CNTNAP3: variants seen among roughly 807,000 people sequenced by gnomAD.
CNTNAP3 encodes the protein contactin-associated protein-like 3.
Under a neutral mutation model 92.1 loss-of-function variants are expected in CNTNAP3, and 36 were observed. The observed-to-expected ratio is 0.39, with a 90% CI of 0.30 to 0.52. CNTNAP3 has a LOEUF of 0.52. Ranked by LOEUF, CNTNAP3 falls within the 20% of genes least tolerant of loss-of-function variation. CNTNAP3 has a pLI of 0.76. For synonymous variants in CNTNAP3, 232 were observed against 422.3 expected (o/e 0.55, Z 5.53); for missense variants, 534 against 1,069.6 (o/e 0.50, Z 6.98).
intron 13 of CNTNAP3, among the ~76,000 whole-genome samples, chr9:39,129,805 T>A (rs1189851329): frequency 3.3e-5 from 5 of 151,712 alleles, no homozygotes. Context: ...ATCCAAACAA[T>A]CCAATTAGAA....
intron 21 of CNTNAP3, among the ~76,000 whole-genome samples, chr9:39,079,271 G>A (rs1476371494): frequency 6.6e-6 from 1 of 150,776 alleles, no homozygotes; most frequent in Admixed American, 6.6e-5. Flanking sequence ...TTTTAATGGC[G>A]CTCACAGCCA....
intron 21 of CNTNAP3, among the ~76,000 whole-genome samples, chr9:39,084,644 T>C (rs1292773795): frequency 3.9e-5 from 6 of 152,214 alleles, no homozygotes; most frequent in Admixed American, 3.9e-4. Context: ...TCTATTTTAC[T>C]ATAAGTTAAG....
rs1013818696 is a variant in CNTNAP3 at position 39,100,280 on chromosome 9, C to A, written c.2756-130G>T. 6 of 1,565,510 alleles carry A rather than the reference C, an allele frequency of 3.8e-6. No homozygotes were observed. In the Admixed American group the frequency reaches 5.6e-5, roughly 15 times the overall value. On this transcript the variant is annotated intron_variant, in intron 17 of 23. Transcript: ENST00000297668. Reference sequence around the variant, plus strand: ...TGTGTCAAAAAATTTTGTGAACATACACAATTTTGAAAATGTAACTGTTAT... The same window carrying A: ...TGTGTCAAAAAATTTTGTGAACATAAACAATTTTGAAAATGTAACTGTTAT...
At chr9:39,142,019 G>A (rs867955172) in intron 11 of CNTNAP3, among the ~76,000 whole-genome samples, 1 of 152,064 alleles carries the variant, frequency 6.6e-6, no homozygotes, top group Non-Finnish European at 1.5e-5. Flanking sequence ...TGTGGACTTG[G>A]CAAATTTCTA....
chr9:39,136,634 C>T (rs1167949026), intron 12 of CNTNAP3, among the ~76,000 whole-genome samples: 16 of 152,134 alleles, frequency 1.1e-4, no homozygotes, highest in Admixed American at 9.2e-4. Flanking sequence ...GGCACGGTGG[C>T]TCATGCCTGT....
At chr9:39,081,533 A>G (rs879145761) in intron 21 of CNTNAP3, among the ~76,000 whole-genome samples, 7 of 150,814 alleles carry the variant, frequency 4.6e-5, no homozygotes, top group African/African-American at 1.2e-4. Flanking sequence ...TCAGGGGCAT[A>G]TGTATTTTGG....
At chr9:39,095,488 T>C (rs944899983) in intron 18 of CNTNAP3, among the ~76,000 whole-genome samples, 8 of 149,566 alleles carry the variant, frequency 5.3e-5, no homozygotes, top group Non-Finnish European at 1.0e-4. Flanking sequence ...GAAAGTTCCC[T>C]TCTATTCCTA....
At chr9:39,091,171 C>CTTCTTT (rs1554714450) in intron 18 of CNTNAP3, among the ~76,000 whole-genome samples, 6 of 128,500 alleles carry the variant, frequency 4.7e-5, no homozygotes, top group African/African-American at 1.7e-4. Context: ...TTTTCTTCTT[C>CTTCTTT]TTTTTTTTTT....
At position 39,118,142 on chromosome 9, in the gene CNTNAP3, G is replaced by C; in HGVS notation, c.2198C>G (p.Ser733Cys). 1.2e-6 allele frequency: 2 copies of C among 1,610,664 alleles called. No individual in the cohort carries two copies. Among genetic ancestry groups the C allele is most frequent in the Admixed American group, 1.7e-5 (1 of 59,892 alleles). ...AGCATCACAGTTGCAGTAATACTGA[G>C]AATCAATGCAGTTCCCCTCTAATCC... Reference protein sequence around the residue: ...TCGLEGNCIDSQYYCNCDAGR... With the variant: ...TCGLEGNCIDCQYYCNCDAGR... The change falls in exon 14 of 24, where the codon TCT becomes TGT. Residue 733 changes from serine to cysteine, a missense_variant. By Grantham distance (112) the Ser-to-Cys change is moderately radical. Coordinates refer to ENST00000297668, the MANE Select transcript of CNTNAP3 (RefSeq NM_033655.5).
At chr9:39,161,645 G>A (rs1470476932) in intron 9 of CNTNAP3, among the ~76,000 whole-genome samples, 1 of 111,698 alleles carries the variant, frequency 9.0e-6, no homozygotes, top group Non-Finnish European at 1.8e-5. Context: ...GCGAGACCTC[G>A]TCTCTACAAA....
chr9:39,132,245 G>C (rs1563887712), intron 13 of CNTNAP3, among the ~76,000 whole-genome samples: 1 of 152,152 alleles, frequency 6.6e-6, no homozygotes, highest in Non-Finnish European at 1.5e-5. Context: ...CTGTTGGAGA[G>C]CAGCAGTGAG....
At chr9:39,103,688 A>G in intron 16 of CNTNAP3, 56 bp downstream of exon 16, 1 of 1,534,810 alleles carries the variant, frequency 6.5e-7, no homozygotes, top group Non-Finnish European at 8.8e-7. Flanking sequence ...GTTGAGTTAA[A>G]GCTTTTATTG....
chr9:39,125,272 A>C (rs921180226), intron 13 of CNTNAP3, among the ~76,000 whole-genome samples: 16 of 151,440 alleles, frequency 1.1e-4, no homozygotes, highest in African/African-American at 3.6e-4. Flanking sequence ...AAAAACAAAC[A>C]CTGCATGTTC....
At position 39,065,688 on chromosome 9, in the gene CNTNAP3, T is replaced by C. The variant is rs1371774359; in HGVS notation, c.*8202A>G. 1.3e-5 allele frequency among the ~76,000 whole-genome samples: 2 copies of C among 152,254 alleles called. No individual in the cohort carries two copies. The highest frequency in any genetic ancestry group is 2.4e-5 in the African/African-American group (1 of 41,470). On this transcript the variant is annotated 3_prime_UTR_variant, in exon 24 of 24. Transcript: ENST00000297668. ...TTTTAGTGGGAAGAATAACTCACTG[T>C]GGTTTTAATTTGCATTTCCTTAATG...
chr9:39,097,561 C>A (rs1182965277), intron 18 of CNTNAP3, among the ~76,000 whole-genome samples: 1 of 151,966 alleles, frequency 6.6e-6, no homozygotes, highest in Non-Finnish European at 1.5e-5. Flanking sequence ...AGGAAGGAAA[C>A]CCCAGACTTC....
At chr9:39,121,006 ATTTAAGT>A (rs1821006769) in intron 13 of CNTNAP3, among the ~76,000 whole-genome samples, 1 of 152,170 alleles carries the variant, frequency 6.6e-6, no homozygotes, top group Non-Finnish European at 1.5e-5. Context: ...GAGTGAAGAT[ATTTAAGT>A]TGACTGTGGT....
intron 14 of CNTNAP3, among the ~76,000 whole-genome samples, chr9:39,111,538 T>A (rs1008231800): frequency 6.6e-6 from 1 of 152,100 alleles, no homozygotes; most frequent in African/African-American, 2.4e-5. Context: ...CCATTCAGCT[T>A]TAGAGTGGAT....
rs1478732185 is a variant in CNTNAP3 at position 39,072,394 on chromosome 9, T to C, written c.*1496A>G. Among the ~76,000 whole-genome samples, 7 of 149,476 alleles carry C rather than the reference T, an allele frequency of 4.7e-5. No individual in the cohort carries two copies. The South Asian group carries it at 1.5e-3, about 32-fold the overall frequency. ...ATGAAGAGTGTAGCATCATTGCTTT[T>C]ATGTAATTGGTTTATTGAATCCAAA... is the stretch of plus-strand genomic sequence containing the variant. On this transcript the variant is annotated 3_prime_UTR_variant, in exon 24 of 24. Coordinates refer to ENST00000297668, the MANE Select transcript of CNTNAP3 (RefSeq NM_033655.5).
chr9:39,123,004 T>A (rs1469007074), intron 13 of CNTNAP3, among the ~76,000 whole-genome samples: 3 of 151,976 alleles, frequency 2.0e-5, no homozygotes, highest in African/African-American at 7.3e-5. Flanking sequence ...TCAGTGAGTT[T>A]GAAGATACGT....
Sources: allele counts gnomAD v4.1 joint callset (sites outside exome capture counted in the v4.1 genomes callset), GRCh38; gene constraint gnomAD v4.1.1; transcripts MANE v1.5; gene names NCBI Gene and HGNC (gene_info 2026-07-23, HGNC 2026-07-21).